Variants in WHRN observed in about 807,000 individuals in gnomAD.
WHRN encodes CASK-interacting protein CIP98.
A neutral mutation model predicts 68.3 loss-of-function variants in WHRN; 41 were observed. The ratio of observed to expected loss-of-function variants is 0.60; its 90% CI spans 0.47 to 0.78. The LOEUF is 0.78. Ranked by LOEUF, WHRN falls within the 30% of genes least tolerant of loss-of-function variation. The probability of loss-of-function intolerance (pLI) is 0.00; values close to 1 mark genes in which losing one functional copy is unlikely to be tolerated. For synonymous variants in WHRN, 560 were observed against 561.3 expected (o/e 1.00, Z 0.03); for missense variants, 1,243 against 1,244.7 (o/e 1.00, Z 0.02).
intron 3 of WHRN, among the ~76,000 whole-genome samples, chr9:114,455,215 T>TTTGTTTG (rs142021302): frequency 6.6e-6 from 1 of 150,962 alleles, no homozygotes. Flanking sequence ...CAAAAGATAC[T>TTTGTTTG]TTTGTTTGTT....
intron 7 of WHRN, among the ~76,000 whole-genome samples, chr9:114,418,534 T>C (rs1315598471): frequency 3.3e-5 from 5 of 152,228 alleles, no homozygotes; most frequent in Non-Finnish European, 2.9e-5. Context: ...TAAATCGAAG[T>C]CAGACCACAT....
At chr9:114,448,016 C>CT (rs989515892) in intron 3 of WHRN, among the ~76,000 whole-genome samples, 17 of 152,226 alleles carry the variant, frequency 1.1e-4, no homozygotes, top group African/African-American at 4.1e-4. Context: ...CATGTGCCCC[C>CT]TAGGGCCCTG....
In WHRN at chr9:114,466,400, A is replaced by C. The variant is rs1248962417; in HGVS notation, c.838-8T>G. 14 of 1,613,910 alleles carry C rather than the reference A, an allele frequency of 8.7e-6. No individual in the cohort carries two copies. Among genetic ancestry groups the C allele is most frequent in the Non-Finnish European group, 1.1e-5 (13 of 1,180,002 alleles). On this transcript the variant is annotated splice_region_variant and splice_polypyrimidine_tract_variant and intron_variant, in intron 2 of 11. Coordinates refer to ENST00000362057, the MANE Select transcript of WHRN (RefSeq NM_015404.4). The stretch of plus-strand genomic sequence containing the variant: ...CCCCAGCACCAGGTTCACCTGTCAG[A>C]GGGAGAGGATAACATTAGAGGGACT...
Position 114,476,468 on chromosome 9 carries a change from G to T in WHRN, c.837+2085C>A, listed in dbSNP as rs77144557. Among the ~76,000 whole-genome samples the T allele has an allele frequency of 6.6e-5, 10 of 152,036 alleles. No homozygotes were observed. The East Asian group carries it at 1.9e-3, about 30-fold the overall frequency. Reference sequence around the variant, plus strand: ...CTCTCTAGGTCTCAGCTCGGAAGCCGTCTCCTCAGAGAAGTCCTCCCTGAT... The same window carrying T: ...CTCTCTAGGTCTCAGCTCGGAAGCCTTCTCCTCAGAGAAGTCCTCCCTGAT... On this transcript the variant is annotated intron_variant, in intron 2 of 11. Transcript: ENST00000362057.
At chr9:114,430,625 A>T (rs1017587830) in intron 3 of WHRN, among the ~76,000 whole-genome samples, 1 of 152,176 alleles carries the variant, frequency 6.6e-6, no homozygotes, top group Non-Finnish European at 1.5e-5. Flanking sequence ...CTAGGCATTA[A>T]TATGCGTGAA....
intron 1 of WHRN, among the ~76,000 whole-genome samples, chr9:114,491,028 T>G (rs10759711): frequency 0.43 from 65,723 of 152,098 alleles, 15,825 homozygotes; most frequent in East Asian, 0.62. Flanking sequence ...AAGAACAAGA[T>G]TCTCAGAGTC....
At chr9:114,445,890 A>G (rs1433937704) in intron 3 of WHRN, among the ~76,000 whole-genome samples, 1 of 152,196 alleles carries the variant, frequency 6.6e-6, no homozygotes, top group Non-Finnish European at 1.5e-5. Context: ...AGAAACAGCT[A>G]AATGCCTGAC....
In WHRN at chr9:114,504,304, G is replaced by A. The variant is rs370018667; in HGVS notation, c.498C>T (p.Ile166=). The A allele has an allele frequency of 6.2e-6, 10 of 1,613,206 alleles. No homozygotes were observed. In the African/African-American group the frequency reaches 8.0e-5, roughly 13 times the overall value. The part of the protein sequence containing the change: ...IRGGSEHGVG[I]YVSLVEPGSL... Reference sequence around the variant, plus strand: ...AGCCTGGTTCCACCAGAGACACGTAGATGCCCACGCCGTGCTCCGAGCCCC... The same window carrying A: ...AGCCTGGTTCCACCAGAGACACGTAAATGCCCACGCCGTGCTCCGAGCCCC... The change falls in exon 1 of 12, where the codon ATC becomes ATT. Residue 166 remains isoleucine, a synonymous_variant. Transcript: ENST00000362057.
chr9:114,488,146 G>A (rs1842690825), intron 1 of WHRN, among the ~76,000 whole-genome samples: 1 of 152,192 alleles, frequency 6.6e-6, no homozygotes. Context: ...TGAGACTTCA[G>A]ACAAGTTACT....
chr9:114,442,711 C>T (rs1428900664), intron 3 of WHRN, among the ~76,000 whole-genome samples: 3 of 152,104 alleles, frequency 2.0e-5, no homozygotes, highest in Non-Finnish European at 2.9e-5. Flanking sequence ...CCCTCTCTTA[C>T]CATGTGACAA....
At chr9:114,485,613 C>T (rs902213030) in intron 1 of WHRN, among the ~76,000 whole-genome samples, 4 of 151,762 alleles carry the variant, frequency 2.6e-5, no homozygotes, top group Admixed American at 2.6e-4. Flanking sequence ...AATTGCTTGA[C>T]CCCAGGAGGC....
intron 3 of WHRN, among the ~76,000 whole-genome samples, chr9:114,435,505 A>C (rs1046919967): frequency 6.6e-6 from 1 of 152,204 alleles, no homozygotes; most frequent in African/African-American, 2.4e-5. Flanking sequence ...AGAGGTAAAA[A>C]CACAAATCAG....
At chr9:114,442,246 G>T (rs1432596397) in intron 3 of WHRN, among the ~76,000 whole-genome samples, 1 of 152,202 alleles carries the variant, frequency 6.6e-6, no homozygotes, top group Non-Finnish European at 1.5e-5. Context: ...TGCTACAAGA[G>T]GACATTATTG....
chr9:114,424,851 G>T, intron 5 of WHRN, 137 bp downstream of exon 5: 2 of 999,924 alleles, frequency 2.0e-6, no homozygotes, highest in South Asian at 2.5e-5. Flanking sequence ...CAGATAAGTG[G>T]GCTGGGGGGT....
chr9:114,494,843 TATC>T (rs1482140743), intron 1 of WHRN, among the ~76,000 whole-genome samples: 1 of 149,756 alleles, frequency 6.7e-6, no homozygotes, highest in Non-Finnish European at 1.5e-5. Flanking sequence ...CAAAGGTTAT[TATC>T]ATACAATGAG....
chr9:114,450,053 G>C (rs1035527480), intron 3 of WHRN, among the ~76,000 whole-genome samples: 1 of 152,046 alleles, frequency 6.6e-6, no homozygotes, highest in Non-Finnish European at 1.5e-5. Context: ...TTGTGGACCC[G>C]CCCAGGAGTG....
intron 7 of WHRN, among the ~76,000 whole-genome samples, chr9:114,421,188 G>T (rs991024086): frequency 2.0e-5 from 3 of 152,198 alleles, no homozygotes; most frequent in African/African-American, 7.2e-5. Context: ...TCCCCAGGGT[G>T]CCCCAATTTG....
At chr9:114,404,916 C>T (rs964811142) in intron 9 of WHRN, among the ~76,000 whole-genome samples, 1 of 151,962 alleles carries the variant, frequency 6.6e-6, no homozygotes, top group Non-Finnish European at 1.5e-5. Flanking sequence ...GGCTGTTATA[C>T]ACATAGTGAA....
At chr9:114,404,182 C>T (rs1834868500) in intron 9 of WHRN, 105 bp from the exon 10 acceptor site, 2 of 1,256,214 alleles carry the variant, frequency 1.6e-6, no homozygotes, top group Admixed American at 2.0e-5. Context: ...GGGGGAATTC[C>T]CCAGGCAAAG....
Sources: allele counts gnomAD v4.1 joint callset (sites outside exome capture counted in the v4.1 genomes callset), GRCh38; gene constraint gnomAD v4.1.1; transcripts MANE v1.5; gene names NCBI Gene and HGNC (gene_info 2026-07-23, HGNC 2026-07-21).